C5orf47: variants seen among roughly 807,000 people sequenced by gnomAD.
C5orf47 encodes the protein uncharacterized protein C5orf47.
Under a neutral mutation model 20.6 loss-of-function variants are expected in C5orf47, and 20 were observed. The ratio of observed to expected loss-of-function variants is 0.97; its 90% CI spans 0.68 to 1.41. The LOEUF is 1.41. Among genes scored for constraint, C5orf47 ranks in the 40% most tolerant of loss-of-function variants. The pLI is 0.00. For synonymous variants in C5orf47, 106 were observed against 97.3 expected, an observed-to-expected ratio of 1.09 and a Z score of -0.53; for missense variants, 262 against 238.4, an observed-to-expected ratio of 1.10 and a Z score of -0.65.
At chr5:174,008,675 AC>A (rs1191515207), downstream of C5orf47, among the ~76,000 whole-genome samples, 1 of 152,054 alleles carries the variant, frequency 6.6e-6, no homozygotes, top group Non-Finnish European at 1.5e-5. Flanking sequence ...TACTAAAAAT[AC>A]AAAAAATTAG....
chr5:174,002,836 G>T (rs1412150188), intron 4 of C5orf47, among the ~76,000 whole-genome samples: 1 of 152,040 alleles, frequency 6.6e-6, no homozygotes, highest in Non-Finnish European at 1.5e-5. Context: ...TGTTGTGTCT[G>T]TTTGGTCTTC....
downstream of C5orf47, among the ~76,000 whole-genome samples, chr5:174,008,835 AAAAAAAG>A (rs1759330836): frequency 7.4e-6 from 1 of 136,038 alleles, no homozygotes; most frequent in South Asian, 2.3e-4. Context: ...AAAAAAAAAA[AAAAAAAG>A]AAAGAAAAAC....
rs1389332164 is a variant in C5orf47 at position 174,001,298 on chromosome 5, T to C, written c.*16+67T>C. 8.1e-6 allele frequency: 7 copies of C among 859,752 alleles called. No individual in the cohort carries two copies. In the African/African-American group the frequency reaches 1.0e-4, roughly 13 times the overall value. 53.3% of individuals were successfully genotyped at this position (859,752 alleles called of 1,614,324 possible). ...ATTCCCTTCCCTTCTGTATCCTCCC[T>C]TCTCCAAACATTAGTGTATAACCAA... On this transcript the variant is annotated intron_variant, in intron 4 of 4. Transcript: ENST00000340147.
chr5:174,001,958 C>CTT (rs375423569), intron 4 of C5orf47, among the ~76,000 whole-genome samples: 59 of 133,524 alleles, frequency 4.4e-4, no homozygotes, highest in African/African-American at 1.4e-3. Context: ...TTTTTTTTTT[C>CTT]TTTTTTTTTT....
downstream of C5orf47, among the ~76,000 whole-genome samples, chr5:174,009,297 T>TC (rs1401746728): frequency 1.7e-4 from 26 of 152,222 alleles, no homozygotes; most frequent in African/African-American, 6.3e-4. Context: ...TTGCCATCCT[T>TC]CATCAGTGGC....
downstream of C5orf47, among the ~76,000 whole-genome samples, chr5:174,009,098 G>C (rs929081596): frequency 6.6e-5 from 10 of 152,068 alleles, no homozygotes; most frequent in African/African-American, 2.4e-4. Context: ...CATCCACTTC[G>C]GTTGCACTAG....
At chr5:173,990,827 T>G (rs1389776571) in intron 1 of C5orf47, among the ~76,000 whole-genome samples, 2 of 152,218 alleles carry the variant, frequency 1.3e-5, no homozygotes, top group Non-Finnish European at 2.9e-5. Context: ...CCCTAGTAAC[T>G]GCCACCATAA....
At chr5:173,996,448 T>C (rs1759101727) in intron 1 of C5orf47, among the ~76,000 whole-genome samples, 1 of 152,214 alleles carries the variant, frequency 6.6e-6, no homozygotes. Context: ...TCAAGGAGTA[T>C]AGGTCTATGT....
chr5:173,994,801 T>C (rs981009604), intron 1 of C5orf47, among the ~76,000 whole-genome samples: 1 of 152,008 alleles, frequency 6.6e-6, no homozygotes, highest in Non-Finnish European at 1.5e-5. Context: ...CAGTCTTGGG[T>C]GTACTTAATG....
chr5:173,989,424 C>T lies in C5orf47; in HGVS notation c.161C>T (p.Pro54Leu), dbSNP rs895259814. ...GPGAGCRQEKPREAMAVAGVQ... is the reference protein window; with the variant it reads ...GPGAGCRQEKLREAMAVAGVQ... ...GGGGCAGGCTGTCGCCAGGAGAAGC[C>T]GAGGGAAGCAATGGCGGTGGCGGGC... Residue 54 changes from proline to leucine, a missense_variant, in exon 1 of 5, where the codon CCG becomes CTG. Coordinates refer to ENST00000340147, the MANE Select transcript of C5orf47 (RefSeq NM_001144954.2). The T allele has an allele frequency of 1.9e-6, 3 of 1,548,982 alleles. No individual in the cohort carries two copies. The highest frequency in any genetic ancestry group is 2.4e-5 in the East Asian group (1 of 40,924).
At chr5:174,008,010 A>G (rs563344555), downstream of C5orf47, among the ~76,000 whole-genome samples, 16 of 152,278 alleles carry the variant, frequency 1.1e-4, no homozygotes, top group East Asian at 2.5e-3. Flanking sequence ...TTGGTAAAAG[A>G]TGTGTGTGCT....
At chr5:173,998,969 AAG>A (rs1461029429) in intron 2 of C5orf47, among the ~76,000 whole-genome samples, 2 of 152,192 alleles carry the variant, frequency 1.3e-5, no homozygotes, top group African/African-American at 4.8e-5. Flanking sequence ...CCACTGTACT[AAG>A]AGATGTTTCT....
rs1305422357 is a variant in C5orf47, at chr5:173,989,249, T to C, written c.-15T>C. ...GTGTTTGCTGAGGGCCCGGCTGCCG[T>C]TGACTGAGGCTGCGATGGCGGCGGC... On this transcript the variant is annotated 5_prime_UTR_variant, in exon 1 of 5. Transcript: ENST00000340147. 1.0e-5 allele frequency: 14 copies of C among 1,381,546 alleles called. No homozygotes were observed. The highest frequency in any genetic ancestry group is 3.5e-5 in the Admixed American group (1 of 28,848). The allele number at this position is 1,381,546 out of a possible 1,614,324, so 85.6% of individuals were successfully genotyped here.
At position 173,999,749 on chromosome 5, in the gene C5orf47, A is replaced by C; in HGVS notation, c.461A>C (p.Glu154Ala). 3 of 1,536,502 alleles carry C rather than the reference A, an allele frequency of 2.0e-6. No homozygotes were observed. The highest frequency in any genetic ancestry group is 2.6e-6 in the Non-Finnish European group (3 of 1,136,216). ...VYKVISRMLEENEKYRHRLKC... is the reference protein window; with the variant it reads ...VYKVISRMLEANEKYRHRLKC... ...AAAGTCATTTCAAGAATGCTTGAAG[A>C]AAATGAAAAATATAGACACAGGCTG... Residue 154 changes from glutamate (E) to alanine (A), a missense_variant, in exon 3 of 5, where the codon GAA becomes GCA. Glu to Ala is a moderately radical substitution (Grantham distance 107). Coordinates refer to ENST00000340147, the MANE Select transcript of C5orf47 (RefSeq NM_001144954.2).
At chr5:173,998,263 G>A (rs1275551512) in intron 2 of C5orf47, 25 bp downstream of exon 2, 5 of 1,271,780 alleles carry the variant, frequency 3.9e-6, no homozygotes, top group Admixed American at 2.4e-5. Context: ...AGGAGAATGA[G>A]CAATATTTGA....
downstream of C5orf47, among the ~76,000 whole-genome samples, chr5:174,007,895 A>G (rs1052248997): frequency 1.3e-5 from 2 of 152,084 alleles, no homozygotes; most frequent in African/African-American, 4.8e-5. Context: ...GTCCAAAGAG[A>G]TCTGTATTGC....
In C5orf47 at chr5:174,003,509, G is replaced by C. The variant is rs548202136; in HGVS notation, c.*17-762G>C. On this transcript the variant is annotated intron_variant, in intron 4 of 4. Transcript: ENST00000340147. ...CATGTTGAATTTTAGGTAATAGTGA[G>C]GTACTCAGGAAAAAATGCTAAGCAA... 3.3e-5 allele frequency among the ~76,000 whole-genome samples: 5 copies of C among 152,210 alleles called. No individual in the cohort carries two copies. In the South Asian group the frequency reaches 1.0e-3, roughly 32 times the overall value.
chr5:173,989,684 C>A, intron 1 of C5orf47, 96 bp downstream of exon 1: 1 of 1,095,024 alleles, frequency 9.1e-7, no homozygotes, highest in South Asian at 2.2e-5. Context: ...ACGCAGGAGG[C>A]TGGGGGCAGC....
rs2113352107 is a variant in C5orf47, at chr5:173,989,216, G to A, written c.-48G>A. The A allele has an allele frequency of 7.3e-7, 1 of 1,361,292 alleles. No individual in the cohort carries two copies. Among genetic ancestry groups the A allele is most frequent in the East Asian group, 3.0e-5 (1 of 33,426 alleles). The allele number at this position is 1,361,292 out of a possible 1,614,324, so 84.3% of individuals were successfully genotyped here. On this transcript the variant is annotated 5_prime_UTR_variant, in exon 1 of 5. The change creates a new upstream start codon in the 5' untranslated region. Transcript: ENST00000340147. Reference sequence around the variant, plus strand: ...CTGCACAGTGGGCAGTCTGGCGCCTGTGGCGTCGTGTTTGCTGAGGGCCCG... The same window carrying A: ...CTGCACAGTGGGCAGTCTGGCGCCTATGGCGTCGTGTTTGCTGAGGGCCCG...
Sources: allele counts gnomAD v4.1 joint callset (sites outside exome capture counted in the v4.1 genomes callset), GRCh38; gene constraint gnomAD v4.1.1; transcripts MANE v1.5; gene names NCBI Gene and HGNC (gene_info 2026-07-23, HGNC 2026-07-21).